PLXDC2: variants seen among roughly 807,000 people sequenced by gnomAD.
The protein encoded by PLXDC2 is plexin domain containing 2, also known as plexin domain-containing protein 2.
In PLXDC2, 40 loss-of-function variants were observed where a neutral mutation model predicts 68.9. That is an observed-to-expected ratio of 0.58 (90% CI 0.45 to 0.76). PLXDC2 has a LOEUF of 0.76. PLXDC2 is among the 30% of genes least tolerant of loss of function. The pLI is 0.00. For synonymous variants in PLXDC2, 243 were observed against 234.2 expected (o/e 1.04, Z -0.34); for missense variants, 644 against 661.9 (o/e 0.97, Z 0.30).
intron 4 of PLXDC2, among the ~76,000 whole-genome samples, chr10:20,087,940 A>G (rs1453359640): frequency 6.6e-6 from 1 of 152,210 alleles, no homozygotes; most frequent in Non-Finnish European, 1.5e-5. Context: ...ATTTGGTCAC[A>G]CTGCCATCTT....
At chr10:20,274,281 A>G (rs1835976482) in intron 13 of PLXDC2, among the ~76,000 whole-genome samples, 1 of 152,200 alleles carries the variant, frequency 6.6e-6, no homozygotes, top group African/African-American at 2.4e-5. Context: ...ATTGAAAGAT[A>G]TTTATTCGGC....
chr10:19,962,538 A>G (rs111387457), intron 1 of PLXDC2, among the ~76,000 whole-genome samples: 33,909 of 148,074 alleles, frequency 0.23, 3,985 homozygotes, highest in East Asian at 0.33. Flanking sequence ...CTACAGGCGC[A>G]TGCCTCCACG....
At chr10:20,163,837 G>A (rs577650186) in intron 6 of PLXDC2, among the ~76,000 whole-genome samples, 1 of 152,098 alleles carries the variant, frequency 6.6e-6, no homozygotes, top group East Asian at 1.9e-4. Context: ...TCAGATCTTG[G>A]TTTCATTGAG....
chr10:20,030,623 G>T (rs1835487435), intron 2 of PLXDC2, among the ~76,000 whole-genome samples: 2 of 152,140 alleles, frequency 1.3e-5, no homozygotes. Context: ...TCCCAATCAG[G>T]TCTGTTTATG....
Position 20,258,927 on chromosome 10 carries a change from G to A in PLXDC2, c.1473+13422G>A, listed in dbSNP as rs1478428197. ...GGAGGCTGAGGCAGGAGAATGGCAT[G>A]AACCCGGGAGGTGGAGCTTGCAGTG... On this transcript the variant is annotated intron_variant, in intron 13 of 13. Coordinates refer to ENST00000377252, the MANE Select transcript of PLXDC2 (RefSeq NM_032812.9). 2.0e-5 allele frequency among the ~76,000 whole-genome samples: 3 copies of A among 151,160 alleles called. No homozygotes were observed. In the East Asian group the frequency reaches 5.9e-4, roughly 30 times the overall value.
chr10:20,094,505 G>A (rs1416427644), intron 4 of PLXDC2, among the ~76,000 whole-genome samples: 1 of 152,022 alleles, frequency 6.6e-6, no homozygotes, highest in African/African-American at 2.4e-5. Context: ...ATTTATGACT[G>A]GAAGTGATAG....
At chr10:19,847,386 T>C (rs1193723822) in intron 1 of PLXDC2, among the ~76,000 whole-genome samples, 2 of 152,210 alleles carry the variant, frequency 1.3e-5, no homozygotes, top group African/African-American at 4.8e-5. Context: ...TTTGTGCAGG[T>C]CTGCAGAGCA....
intron 1 of PLXDC2, among the ~76,000 whole-genome samples, chr10:19,868,116 CT>C (rs1554841179): frequency 6.6e-6 from 1 of 151,964 alleles, no homozygotes; most frequent in Non-Finnish European, 1.5e-5. Context: ...TGAAAAAGCT[CT>C]TTTTTAACCT....
chr10:20,043,185 T>C (rs1296056414), intron 2 of PLXDC2: 2 of 152,164 alleles, frequency 1.3e-5, no homozygotes, highest in African/African-American at 4.8e-5. Context: ...TGGAATTTAA[T>C]AATGTGTGTC....
intron 1 of PLXDC2, among the ~76,000 whole-genome samples, chr10:19,870,132 G>T (rs556417508): frequency 9.9e-5 from 15 of 152,192 alleles, no homozygotes; most frequent in Middle Eastern, 3.4e-3. Flanking sequence ...ACAAACTTGG[G>T]GTCTTATTCA....
chr10:20,149,214 C>CTTT (rs71200985), intron 6 of PLXDC2, among the ~76,000 whole-genome samples: 6 of 112,392 alleles, frequency 5.3e-5, no homozygotes, highest in South Asian at 3.0e-4. Flanking sequence ...ATTTTTCTTT[C>CTTT]TTTTTTTTTC....
chr10:20,131,267 G>A (rs1316297639), intron 4 of PLXDC2, among the ~76,000 whole-genome samples: 1 of 151,428 alleles, frequency 6.6e-6, no homozygotes, highest in Non-Finnish European at 1.5e-5. Context: ...TTCCGACGTG[G>A]TAATATGTAT....
At chr10:19,942,217 GAA>G (rs1465920056) in intron 1 of PLXDC2, among the ~76,000 whole-genome samples, 3 of 151,858 alleles carry the variant, frequency 2.0e-5, no homozygotes, top group Non-Finnish European at 4.4e-5. Flanking sequence ...CAGTTGAAAA[GAA>G]AAGATTGTCC....
At chr10:20,038,107 A>G (rs1243695389) in intron 2 of PLXDC2, among the ~76,000 whole-genome samples, 1 of 152,004 alleles carries the variant, frequency 6.6e-6, no homozygotes, top group Admixed American at 6.6e-5. Context: ...GTGGTGGCAC[A>G]TGCCTGTAGT....
rs192011360 is a variant in PLXDC2, at chr10:19,892,335, C to G, written c.112+75144C>G. 2.1e-3 allele frequency among the ~76,000 whole-genome samples: 320 copies of G among 152,246 alleles called. 1 individual carries two copies. The highest frequency in any genetic ancestry group is 7.2e-3 in the African/African-American group (301 of 41,536). ...ACCTAATTTGTCCAAAGTCATTCAG[C>G]TAGTAAGAAGTTGACTTGGGATTCA... On this transcript the variant is annotated intron_variant, in intron 1 of 13. Coordinates refer to ENST00000377252, the MANE Select transcript of PLXDC2 (RefSeq NM_032812.9).
At chr10:20,233,197 A>G (rs148548578) in intron 12 of PLXDC2, among the ~76,000 whole-genome samples, 2,153 of 152,138 alleles carry the variant, frequency 0.014, 43 homozygotes, top group African/African-American at 0.048. Context: ...GATGGGATTC[A>G]AGAAGAAGTT....
intron 1 of PLXDC2, among the ~76,000 whole-genome samples, chr10:19,956,990 C>T (rs988106114): frequency 2.0e-5 from 3 of 152,170 alleles, no homozygotes; most frequent in African/African-American, 7.2e-5. Flanking sequence ...GGTATCTACT[C>T]TGTGGGCACT....
intron 1 of PLXDC2, among the ~76,000 whole-genome samples, chr10:19,884,088 G>A (rs1234872600): frequency 2.1e-4 from 31 of 150,128 alleles, no homozygotes; most frequent in African/African-American, 7.1e-4. Context: ...GTAGAGATGG[G>A]GTTTTGCCAT....
chr10:20,082,870 A>G (rs1399684659), intron 4 of PLXDC2, among the ~76,000 whole-genome samples: 2 of 152,180 alleles, frequency 1.3e-5, no homozygotes, highest in Non-Finnish European at 2.9e-5. Context: ...ACAGAATGAG[A>G]TATTTAATGT....
Sources: allele counts gnomAD v4.1 joint callset (sites outside exome capture counted in the v4.1 genomes callset), GRCh38; gene constraint gnomAD v4.1.1; transcripts MANE v1.5; gene names NCBI Gene and HGNC (gene_info 2026-07-23, HGNC 2026-07-21).